Variants in EHMT1 observed in about 807,000 individuals in gnomAD.
EHMT1 encodes euchromatic histone lysine methyltransferase 1, also known as histone-lysine N-methyltransferase EHMT1.
EHMT1 carries 15 observed loss-of-function variants against 147.2 expected under a neutral mutation model. The ratio of observed to expected loss-of-function variants is 0.10; its 90% CI spans 0.07 to 0.16. The LOEUF is 0.16. Among genes scored for constraint, EHMT1 ranks in the 10% least tolerant of loss-of-function variants. The pLI, the probability that EHMT1 is intolerant of heterozygous loss-of-function variation, is 1.00. For missense variants in EHMT1, 1,587 were observed against 1,772.4 expected (o/e 0.90, Z 1.88); for synonymous variants, 795 against 709.6 (o/e 1.12, Z -1.91).
chr9:137,710,993 G>C lies in EHMT1; in HGVS notation c.48G>C (p.Gln16His). The change falls in exon 2 of 27, where the codon CAG becomes CAC. Residue 16 changes from glutamine (Q) to histidine (H), a missense_variant. By Grantham distance (24) the Gln-to-His change is conservative (BLOSUM62 0). This residue lies in a region of EHMT1 where 810 missense variants were observed against 673.0 expected (regional missense o/e 1.20). Transcript: ENST00000460843. ...AEAVPARGEP[Q>H]QDCCVKTELL... ...CAGTTCCGGCGAGGGGGGAGCCTCA[G>C]CAGGATTGCTGTGTGAAAACCGAGC... is the stretch of plus-strand genomic sequence containing the variant. 1 of 1,599,636 alleles carries C rather than the reference G, an allele frequency of 6.3e-7. No individual in the cohort carries two copies. The highest frequency in any genetic ancestry group is 8.5e-7 in the Non-Finnish European group (1 of 1,173,718).
At chr9:137,781,508 T>C (rs911782917) in intron 14 of EHMT1, among the ~76,000 whole-genome samples, 1 of 152,190 alleles carries the variant, frequency 6.6e-6, no homozygotes, top group Non-Finnish European at 1.5e-5. Context: ...CGGCAGTCGA[T>C]GTTTCACCTG....
At chr9:137,625,251 T>C (rs79774796) in intron 1 of EHMT1, among the ~76,000 whole-genome samples, 1 of 152,204 alleles carries the variant, frequency 6.6e-6, no homozygotes, top group East Asian at 1.9e-4. Context: ...GTTGCATCCG[T>C]GATTTTCCTA....
intron 1 of EHMT1, among the ~76,000 whole-genome samples, chr9:137,647,395 G>A (rs1351397510): frequency 6.6e-6 from 1 of 152,188 alleles, no homozygotes; most frequent in Non-Finnish European, 1.5e-5. Context: ...GACACCATCT[G>A]TAGAATGGCA....
intron 1 of EHMT1, among the ~76,000 whole-genome samples, chr9:137,669,184 G>T (rs1207822578): frequency 6.6e-6 from 1 of 152,120 alleles, no homozygotes; most frequent in African/African-American, 2.4e-5. Flanking sequence ...ACTGTTCCCG[G>T]CCTAGAAGTA....
rs1242833815 is a variant in EHMT1, at chr9:137,775,180, G to A, written c.1719G>A (p.Val573=). Residue 573 remains valine (V), a synonymous_variant, in exon 11 of 27, where the codon GTG becomes GTA. Coordinates refer to ENST00000460843, the MANE Select transcript of EHMT1 (RefSeq NM_024757.5). The surrounding 1 kb of genome is among the most constrained non-coding windows in gnomAD (Gnocchi z 6.1). ...CCTCCAACAAGGCCCCGCTCCTCGT[G>A]CTGTGTGAAGACCACCGGGGCCGCA... ...MRPSNKAPLL[V]LCEDHRGRMV... 3 of 1,613,904 alleles carry A rather than the reference G, an allele frequency of 1.9e-6. No homozygotes were observed. The highest frequency in any genetic ancestry group is 2.5e-6 in the Non-Finnish European group (3 of 1,180,036).
At chr9:137,628,238 T>G (rs914111042) in intron 1 of EHMT1, among the ~76,000 whole-genome samples, 3 of 152,192 alleles carry the variant, frequency 2.0e-5, no homozygotes, top group African/African-American at 7.2e-5. Context: ...AGTTTCTCCT[T>G]CCTCTACTCT....
chr9:137,801,123 C>T, intron 18 of EHMT1, 139 bp downstream of exon 18: 3 of 770,770 alleles, frequency 3.9e-6, no homozygotes, highest in Non-Finnish European at 4.4e-6. Flanking sequence ...ATCGGCCCGG[C>T]ACTGTGCTGT....
intron 1 of EHMT1, among the ~76,000 whole-genome samples, chr9:137,705,760 C>CCAACAAGAGACTGAGT (rs1944214317): frequency 6.6e-6 from 1 of 152,180 alleles, no homozygotes; most frequent in Non-Finnish European, 1.5e-5. Flanking sequence ...GCACTGCACT[C>CCAACAAGAGACTGAGT]AGTCTCTTGT....
intron 15 of EHMT1, among the ~76,000 whole-genome samples, chr9:137,789,680 C>CA (rs1194439160): frequency 6.6e-6 from 1 of 152,190 alleles, no homozygotes; most frequent in African/African-American, 2.4e-5. Flanking sequence ...TCCTTCCGGT[C>CA]AAAGTCTCCT....
intron 1 of EHMT1, among the ~76,000 whole-genome samples, chr9:137,710,743 G>A (rs971980513): frequency 1.3e-5 from 2 of 152,106 alleles, no homozygotes; most frequent in Admixed American, 1.3e-4. Flanking sequence ...TTAAGAAACT[G>A]TCTTCAAAAA....
chr9:137,655,236 C>T (rs1332912533), intron 1 of EHMT1, among the ~76,000 whole-genome samples: 2 of 152,096 alleles, frequency 1.3e-5, no homozygotes, highest in Non-Finnish European at 2.9e-5. Flanking sequence ...AGGCTGGTCT[C>T]GAACTCCTGA....
chr9:137,774,779 A>G, intron 10 of EHMT1, among the ~76,000 whole-genome samples: 1 of 139,384 alleles, frequency 7.2e-6, no homozygotes, highest in Non-Finnish European at 1.5e-5. Context: ...GGCCCCCTGG[A>G]TCTGGTGGGT....
At chr9:137,719,054 G>C (rs1945661180) in intron 3 of EHMT1, among the ~76,000 whole-genome samples, 1 of 152,024 alleles carries the variant, frequency 6.6e-6, no homozygotes, top group Non-Finnish European at 1.5e-5. Context: ...CGCCCGGCCT[G>C]ATTAGTTCTT....
At chr9:137,657,748 A>G (rs962781684) in intron 1 of EHMT1, among the ~76,000 whole-genome samples, 12 of 151,948 alleles carry the variant, frequency 7.9e-5, no homozygotes, top group African/African-American at 2.4e-4. Flanking sequence ...TGTGCTATCA[A>G]GTACTAGTTC....
intron 10 of EHMT1, among the ~76,000 whole-genome samples, chr9:137,764,956 C>G (rs1950119874): frequency 1.3e-5 from 2 of 152,202 alleles, no homozygotes; most frequent in Admixed American, 1.3e-4. Flanking sequence ...GATTCAAAGA[C>G]TTGGTTTACA....
intron 2 of EHMT1, among the ~76,000 whole-genome samples, chr9:137,712,888 TC>T (rs1247331812): frequency 6.6e-6 from 1 of 152,244 alleles, no homozygotes. Flanking sequence ...ATTTATTTTT[TC>T]TTGGAGTTTT....
intron 1 of EHMT1, among the ~76,000 whole-genome samples, chr9:137,680,698 A>G (rs1365449039): frequency 6.6e-6 from 1 of 152,254 alleles, no homozygotes; most frequent in Non-Finnish European, 1.5e-5. Context: ...GCAGTCTTCC[A>G]GAGAGGCCTC....
At chr9:137,755,725 A>C (rs1026430811) in intron 8 of EHMT1, among the ~76,000 whole-genome samples, 1 of 152,170 alleles carries the variant, frequency 6.6e-6, no homozygotes. Flanking sequence ...CCACGCCAGC[A>C]CTTGTTAGGG....
chr9:137,721,848 T>G (rs1353668481), intron 3 of EHMT1, among the ~76,000 whole-genome samples: 1 of 152,210 alleles, frequency 6.6e-6, no homozygotes, highest in Non-Finnish European at 1.5e-5. Context: ...CTTCTTTCTC[T>G]CAAAAGGTCT....
Sources: gnomAD v4.1 joint callset for allele counts (sites outside exome capture counted in the v4.1 genomes callset) on GRCh38, gnomAD v4.1.1 for gene constraint, gnomAD v4.1.1 regional missense constraint, Gnocchi (gnomAD v3.1) non-coding constraint, MANE v1.5 for transcripts, NCBI Gene and HGNC (gene_info 2026-07-23, HGNC 2026-07-21) for gene names.